SEMA3A: variants seen among roughly 807,000 people sequenced by gnomAD.
SEMA3A encodes the protein semaphorin 3A.
In SEMA3A, 29 loss-of-function variants were observed where a neutral mutation model predicts 97.9. The ratio of observed to expected loss-of-function variants is 0.30; its 90% CI spans 0.22 to 0.40. SEMA3A has a LOEUF of 0.40. Among genes scored for constraint, SEMA3A ranks in the 10% least tolerant of loss-of-function variants. The probability of loss-of-function intolerance (pLI) is 1.00; values close to 1 mark genes in which losing one functional copy is unlikely to be tolerated. For missense variants in SEMA3A, 763 were observed against 951.3 expected (o/e 0.80, Z 2.60); for synonymous variants, 321 against 323.7 (o/e 0.99, Z 0.09).
intron 1 of SEMA3A, among the ~76,000 whole-genome samples, chr7:84,467,699 C>G (rs995440749): frequency 9.9e-5 from 15 of 152,156 alleles, no homozygotes; most frequent in Admixed American, 9.2e-4. Flanking sequence ...TCTGAGAACT[C>G]TTTTCATTTA....
chr7:84,394,431 T>C (rs1436572059), intron 1 of SEMA3A, among the ~76,000 whole-genome samples: 3 of 152,112 alleles, frequency 2.0e-5, no homozygotes, highest in Non-Finnish European at 2.9e-5. Flanking sequence ...ATTCTGTGCA[T>C]TGTTTGCTAG....
At chr7:84,252,294 C>T (rs1422902853) in intron 3 of SEMA3A, among the ~76,000 whole-genome samples, 2 of 152,092 alleles carry the variant, frequency 1.3e-5, no homozygotes, top group Non-Finnish European at 2.9e-5. Context: ...AACAGTCAGT[C>T]ATGTGGAAAT....
intron 5 of SEMA3A, among the ~76,000 whole-genome samples, chr7:84,056,309 C>T (rs1792974435): frequency 6.6e-6 from 1 of 152,280 alleles, no homozygotes; most frequent in Admixed American, 6.5e-5. Flanking sequence ...ATACTCTAGA[C>T]TTTCTGCTCA....
chr7:84,176,741 T>A (rs573792177), intron 1 of SEMA3A, among the ~76,000 whole-genome samples: 52 of 152,260 alleles, frequency 3.4e-4, no homozygotes, highest in Non-Finnish European at 6.3e-4. Flanking sequence ...ACTCTGACAA[T>A]GTTAGTTTGT....
rs77328232 is a variant in SEMA3A at position 83,975,530 on chromosome 7, T to G, written c.1717+1602A>C. ...ACTGAAAAACAAAAGTAATAAGACA[T>G]GTATCTAGATTATAACTTGAAATTT... On this transcript the variant is annotated intron_variant, in intron 15 of 16. Transcript: ENST00000265362. 9.0e-4 allele frequency among the ~76,000 whole-genome samples: 137 copies of G among 152,254 alleles called. 3 individuals carry two copies. In the East Asian group the frequency reaches 0.015, roughly 17 times the overall value.
chr7:84,093,119 A>G (rs1209230331), intron 4 of SEMA3A, among the ~76,000 whole-genome samples: 1 of 152,158 alleles, frequency 6.6e-6, no homozygotes, highest in African/African-American at 2.4e-5. Context: ...TAAGAATTCA[A>G]ACTGGCTGGG....
intron 1 of SEMA3A, among the ~76,000 whole-genome samples, chr7:84,485,576 T>C (rs1806553970): frequency 6.6e-6 from 1 of 152,226 alleles, no homozygotes; most frequent in Non-Finnish European, 1.5e-5. Flanking sequence ...GGTTTCACCA[T>C]GTTGCCCAGG....
In SEMA3A at chr7:84,473,003, A is replaced by T. The variant is rs1230610486; in HGVS notation, c.-246+19457T>A. ...TCGGTGTTCCAAAACTTGATTTTGG[A>T]ATTAGGTCTAGGTCTAAATTACAGC... is the stretch of plus-strand genomic sequence containing the variant. On this transcript the variant is annotated intron_variant, in intron 1 of 3. Coordinates refer to the SEMA3A transcript ENST00000424555. 2.6e-5 allele frequency among the ~76,000 whole-genome samples: 4 copies of T among 152,258 alleles called. No individual in the cohort carries two copies. In the East Asian group the frequency reaches 7.7e-4, roughly 29 times the overall value.
chr7:84,123,414 GA>G (rs1272529873), intron 3 of SEMA3A, among the ~76,000 whole-genome samples: 2 of 151,756 alleles, frequency 1.3e-5, no homozygotes, highest in Non-Finnish European at 2.9e-5. Context: ...AACAGCAATG[GA>G]AAAATTCATA....
chr7:84,249,014 G>C (rs1799537987), intron 3 of SEMA3A, among the ~76,000 whole-genome samples: 1 of 152,130 alleles, frequency 6.6e-6, no homozygotes, highest in African/African-American at 2.4e-5. Flanking sequence ...GGTGTATCTA[G>C]GCTTGGCAAA....
intron 1 of SEMA3A, among the ~76,000 whole-genome samples, chr7:84,171,914 G>A (rs1378565770): frequency 6.6e-6 from 1 of 152,116 alleles, no homozygotes; most frequent in African/African-American, 2.4e-5. Flanking sequence ...ATATCAGGCT[G>A]CTTCAAACAA....
At chr7:84,448,245 G>T (rs541187604) in intron 1 of SEMA3A, among the ~76,000 whole-genome samples, 32 of 152,274 alleles carry the variant, frequency 2.1e-4, no homozygotes, top group Admixed American at 1.8e-3. Flanking sequence ...CTGGCGAAGT[G>T]ACACCCCAAT....
At position 84,442,824 on chromosome 7, in the gene SEMA3A, T is replaced by C. The variant is rs137869455; in HGVS notation, c.-246+49636A>G. 1.4e-3 allele frequency among the ~76,000 whole-genome samples: 215 copies of C among 152,208 alleles called. 2 individuals are homozygous for C. Among genetic ancestry groups the C allele is most frequent in the African/African-American group, 5.2e-3 (215 of 41,550 alleles). ...TAATAAAAAGTCAGCAGTAGTTGGA[T>C]TTAATAATATCAGACAAAATGGACT... On this transcript the variant is annotated intron_variant, in intron 1 of 3. Coordinates refer to the SEMA3A transcript ENST00000424555.
intron 10 of SEMA3A, among the ~76,000 whole-genome samples, chr7:84,006,096 G>A (rs1223790109): frequency 1.3e-5 from 2 of 152,000 alleles, no homozygotes; most frequent in African/African-American, 4.8e-5. Flanking sequence ...GAGAAGTTTG[G>A]TGCCTCTATT....
intron 1 of SEMA3A, among the ~76,000 whole-genome samples, chr7:84,475,737 T>C (rs1483544402): frequency 6.6e-6 from 1 of 152,186 alleles, no homozygotes; most frequent in Non-Finnish European, 1.5e-5. Context: ...TGGGTTTACT[T>C]ACAGAACTCC....
At chr7:84,388,448 A>AT (rs1193334102) in intron 1 of SEMA3A, among the ~76,000 whole-genome samples, 1 of 152,052 alleles carries the variant, frequency 6.6e-6, no homozygotes, top group African/African-American at 2.4e-5. Context: ...TAGGGATTAT[A>AT]TGAGTATTCT....
chr7:84,354,757 T>C (rs1482187963), intron 2 of SEMA3A, among the ~76,000 whole-genome samples: 2 of 151,674 alleles, frequency 1.3e-5, no homozygotes, highest in African/African-American at 4.8e-5. Context: ...ATTACAAATG[T>C]CATATTTTCT....
At chr7:84,322,504 T>TCTCTGGTAGTAGTGAA (rs1801672649) in intron 2 of SEMA3A, among the ~76,000 whole-genome samples, 1 of 151,960 alleles carries the variant, frequency 6.6e-6, no homozygotes, top group Non-Finnish European at 1.5e-5. Context: ...CCTATGCTGT[T>TCTCTGGTAGTAGTGAA]CTCTGGTAGT....
intron 2 of SEMA3A, among the ~76,000 whole-genome samples, chr7:84,322,542 G>A (rs1584238582): frequency 6.6e-6 from 1 of 152,072 alleles, no homozygotes; most frequent in Admixed American, 6.5e-5. Flanking sequence ...AGATCTGATG[G>A]CTTTGTAAAT....
Sources: gnomAD v4.1 joint callset for allele counts (sites outside exome capture counted in the v4.1 genomes callset) on GRCh38, gnomAD v4.1.1 for gene constraint, MANE v1.5 for transcripts, NCBI Gene and HGNC (gene_info 2026-07-23, HGNC 2026-07-21) for gene names.